DZIP1: variants seen among roughly 807,000 people sequenced by gnomAD.
The protein encoded by DZIP1 is cilium assembly protein DZIP1.
In DZIP1, 97 loss-of-function variants were observed where a neutral mutation model predicts 107.6. The ratio of observed to expected loss-of-function variants is 0.90; its 90% CI spans 0.77 to 1.07. DZIP1 has a LOEUF of 1.07. DZIP1 is among the 50% of genes least tolerant of loss of function. The pLI is 0.00. For missense variants in DZIP1, 1,035 were observed against 1,063.6 expected (o/e 0.97, Z 0.37); for synonymous variants, 390 against 386.4 (o/e 1.01, Z -0.11).
At chr13:95,584,124 G>A (rs1048923471) in intron 22 of DZIP1, among the ~76,000 whole-genome samples, 13 of 151,782 alleles carry the variant, frequency 8.6e-5, no homozygotes, top group South Asian at 4.2e-4. Context: ...CTACAGGCGC[G>A]CACCACCATG....
chr13:95,594,135 A>T (rs1464039836), intron 15 of DZIP1, 49 bp from the exon 16 acceptor site: 3 of 1,464,388 alleles, frequency 2.0e-6, no homozygotes, highest in Non-Finnish European at 2.8e-6. Flanking sequence ...AAGCAAATAC[A>T]TCAAAAATCT....
chr13:95,595,066 G>T (rs1269624397), intron 15 of DZIP1, among the ~76,000 whole-genome samples: 3 of 152,160 alleles, frequency 2.0e-5, no homozygotes, highest in African/African-American at 7.2e-5. Context: ...CTACCATTTT[G>T]GAGTCTAATC....
chr13:95,617,022 A>T (rs1429538862), intron 10 of DZIP1, among the ~76,000 whole-genome samples: 1 of 152,104 alleles, frequency 6.6e-6, no homozygotes, highest in Non-Finnish European at 1.5e-5. Context: ...AGCCAGGCCA[A>T]CACAGTGAAA....
intron 15 of DZIP1, among the ~76,000 whole-genome samples, chr13:95,596,365 A>C (rs2389266): frequency 0.024 from 3,676 of 152,258 alleles, 149 homozygotes; most frequent in African/African-American, 0.083. Flanking sequence ...CAGACATACA[A>C]CATCCCATTT....
intron 1 of DZIP1, among the ~76,000 whole-genome samples, 157 bp downstream of exon 1, chr13:95,644,220 G>A (rs1053886271): frequency 5.9e-5 from 9 of 152,242 alleles, no homozygotes; most frequent in Non-Finnish European, 4.4e-5. Flanking sequence ...TTCCTTGGAA[G>A]GCAAACAGGC....
chr13:95,608,352 A>G (rs9525030), intron 13 of DZIP1, among the ~76,000 whole-genome samples: 39,824 of 151,894 alleles, frequency 0.26, 6,257 homozygotes, highest in Non-Finnish European at 0.35. Flanking sequence ...TTATTAATAT[A>G]TAAAAAGAAC....
chr13:95,587,638 G>C lies in DZIP1; in HGVS notation c.2119C>G (p.Gln707Glu). ...TTCTTCCCGAAGCTGCCCTTGTTTT[G>C]TGGTGGCGGCACAGGAAGTGGGCCT... ...SPGPLPVPPP[Q>E]NKGSFGKNTV... The change falls in exon 20 of 23, where the codon CAA becomes GAA. Residue 707 changes from glutamine (Q) to glutamate (E), a missense_variant. Gln to Glu is a conservative substitution (Grantham distance 29). Coordinates refer to ENST00000376829, the MANE Select transcript of DZIP1 (RefSeq NM_198968.4). 6.2e-7 allele frequency: 1 copy of C among 1,614,102 alleles called. No homozygotes were observed. The highest frequency in any genetic ancestry group is 8.5e-7 in the Non-Finnish European group (1 of 1,180,004).
At chr13:95,639,035 A>C (rs1195949633) in intron 5 of DZIP1, among the ~76,000 whole-genome samples, 1 of 152,192 alleles carries the variant, frequency 6.6e-6, no homozygotes, top group Non-Finnish European at 1.5e-5. Context: ...TTTTTCCCTC[A>C]TTCCCAGGTA....
intron 19 of DZIP1, 87 bp downstream of exon 19, chr13:95,589,067 C>T (rs898201534): frequency 7.5e-5 from 80 of 1,065,066 alleles, no homozygotes; most frequent in Non-Finnish European, 1.1e-4. Context: ...CTTCATTCAA[C>T]CATAATGAGC....
At chr13:95,586,160 C>T (rs2138766361) in intron 20 of DZIP1, 24 bp from the exon 21 acceptor site, 1 of 1,566,594 alleles carries the variant, frequency 6.4e-7, no homozygotes, top group Admixed American at 2.0e-5. Flanking sequence ...AAAAATTAGG[C>T]AAGTTAAGTA....
At chr13:95,624,616 T>C in intron 8 of DZIP1, 152 bp downstream of exon 8, 1 of 728,142 alleles carries the variant, frequency 1.4e-6, no homozygotes, top group East Asian at 2.7e-5. Context: ...ACTCACTCTG[T>C]CTCCTCTATG....
intron 16 of DZIP1, among the ~76,000 whole-genome samples, chr13:95,593,392 T>C (rs1399001369): frequency 1.3e-5 from 2 of 152,228 alleles, no homozygotes; most frequent in Non-Finnish European, 2.9e-5. Flanking sequence ...TATAAACATA[T>C]AAACTAATGA....
At position 95,630,399 on chromosome 13, in the gene DZIP1, C is replaced by T. The variant is rs138941952; in HGVS notation, c.686-286G>A. ...CCTCTTCAGGGAGCAATAATGGTAA[C>T]AAGGAATAATACAGGGTGCTTTGAC... On this transcript the variant is annotated intron_variant, in intron 6 of 22. Transcript: ENST00000376829. 2.1e-3 allele frequency among the ~76,000 whole-genome samples: 314 copies of T among 152,168 alleles called. 5 individuals are homozygous for T. The highest frequency in any genetic ancestry group is 7.3e-3 in the African/African-American group (301 of 41,504).
At chr13:95,613,343 T>A (rs1344054620) in intron 10 of DZIP1, among the ~76,000 whole-genome samples, 1 of 151,850 alleles carries the variant, frequency 6.6e-6, no homozygotes, top group Non-Finnish European at 1.5e-5. Context: ...CAAAACCCCA[T>A]CTCTAATAAA....
intron 7 of DZIP1, among the ~76,000 whole-genome samples, chr13:95,625,421 G>A (rs963297388): frequency 4.6e-5 from 7 of 152,094 alleles, no homozygotes; most frequent in East Asian, 3.9e-4. Flanking sequence ...GAACTTGAAC[G>A]ACACTATATG....
chr13:95,633,182 A>C, intron 6 of DZIP1, 52 bp downstream of exon 6: 6 of 1,545,094 alleles, frequency 3.9e-6, no homozygotes, highest in Non-Finnish European at 4.5e-6. Flanking sequence ...TCATTGCCAA[A>C]AGAAAAAGGG....
At chr13:95,587,785 T>C (rs1422593922) in intron 19 of DZIP1, 56 bp from the exon 20 acceptor site, 1 of 1,539,378 alleles carries the variant, frequency 6.5e-7, no homozygotes, top group Non-Finnish European at 8.8e-7. Flanking sequence ...TTAGGATTTA[T>C]AATATTAAGA....
chr13:95,619,520 G>A (rs16951267), intron 10 of DZIP1, among the ~76,000 whole-genome samples: 5 of 152,272 alleles, frequency 3.3e-5, no homozygotes, highest in East Asian at 1.9e-4. Context: ...CCAATGCATC[G>A]TAAAACCTTC....
intron 9 of DZIP1, 108 bp downstream of exon 9, chr13:95,622,234 AG>A: frequency 7.2e-7 from 1 of 1,397,276 alleles, no homozygotes; most frequent in East Asian, 2.3e-5. Context: ...AGTCACCTTC[AG>A]GGTTACTAAA....
Sources: gnomAD v4.1 joint callset for allele counts (sites outside exome capture counted in the v4.1 genomes callset) on GRCh38, gnomAD v4.1.1 for gene constraint, MANE v1.5 for transcripts, NCBI Gene and HGNC (gene_info 2026-07-23, HGNC 2026-07-21) for gene names.